Variants in STAT1 observed in about 807,000 individuals in gnomAD.
STAT1 encodes the protein signal transducer and activator of transcription 1, also known as signal transducer and activator of transcription 1-alpha/beta.
STAT1 carries 24 observed loss-of-function variants against 111.7 expected under a neutral mutation model. The ratio of observed to expected loss-of-function variants is 0.21; its 90% CI spans 0.16 to 0.30. The LOEUF (loss-of-function observed/expected upper bound fraction) is 0.30. Among genes scored for constraint, STAT1 ranks in the 10% least tolerant of loss-of-function variants. STAT1 has a pLI of 1.00. For missense variants in STAT1, 351 were observed against 911.9 expected, an observed-to-expected ratio of 0.38 and a Z score of 7.92; for synonymous variants, 332 against 326.5, an observed-to-expected ratio of 1.02 and a Z score of -0.18.
chr2:190,994,848 G>A (rs1350903215), intron 10 of STAT1, among the ~76,000 whole-genome samples: 1 of 149,380 alleles, frequency 6.7e-6, no homozygotes, highest in Non-Finnish European at 1.5e-5. Context: ...CTTGGGAGGT[G>A]GAGGTTGCAG....
chr2:190,995,122 T>G lies in STAT1; in HGVS notation c.883A>C (p.Thr295Pro), dbSNP rs2125062101. 6.2e-7 allele frequency: 1 copy of G among 1,613,902 alleles called. No individual in the cohort carries two copies. Among genetic ancestry groups the G allele is most frequent in the South Asian group, 1.1e-5 (1 of 91,072 alleles). ...QKYTYEHDPI[T>P]KNKQVLWDRT... Reference sequence around the variant, plus strand: ...TCCCATAACACTTGTTTGTTTTTTGTGATAGGGTCATGTTCGTAGGTGTAT... The same window carrying G: ...TCCCATAACACTTGTTTGTTTTTTGGGATAGGGTCATGTTCGTAGGTGTAT... Residue 295 changes from threonine (T) to proline (P), a missense_variant, in exon 10 of 25, where the codon ACA becomes CCA. Coordinates refer to ENST00000361099, the MANE Select transcript of STAT1 (RefSeq NM_007315.4). This position sits in a 1 kb window ranked among gnomAD's most constrained non-coding sequence, Gnocchi z 4.2.
Position 190,981,926 on chromosome 2 carries a change from C to T in STAT1, c.1582+457G>A, listed in dbSNP as rs546826332. ...CAAAAGAGGCATCCTCTTGTGGGGA[C>T]GGCATCCTCTGCTACCTGGGCCCCA... On this transcript the variant is annotated intron_variant, in intron 18 of 24. Transcript: ENST00000361099. The surrounding 1 kb of genome is among the most constrained non-coding windows in gnomAD (Gnocchi z 4.1). 3.9e-5 allele frequency among the ~76,000 whole-genome samples: 6 copies of T among 152,340 alleles called. No homozygotes were observed. The highest frequency in any genetic ancestry group is 2.1e-4 in the South Asian group (1 of 4,822).
chr2:190,995,224 G>A lies in STAT1; in HGVS notation c.786-5C>T, dbSNP rs1368532255. ...CTCTCCGCAACTATAGTGAACCTGG[G>A]AAGACACAAGACACAGATGTCTCTA... On this transcript the variant is annotated splice_region_variant and splice_polypyrimidine_tract_variant and intron_variant, in intron 9 of 24. Coordinates refer to ENST00000361099, the MANE Select transcript of STAT1 (RefSeq NM_007315.4). The surrounding 1 kb of genome is among the most constrained non-coding windows in gnomAD (Gnocchi z 4.2). 1.2e-6 allele frequency: 2 copies of A among 1,613,864 alleles called. No homozygotes were observed. The highest frequency in any genetic ancestry group is 1.1e-5 in the South Asian group (1 of 91,078).
chr2:191,008,627 G>C (rs1694885691), intron 4 of STAT1, among the ~76,000 whole-genome samples: 1 of 152,156 alleles, frequency 6.6e-6, no homozygotes, highest in Admixed American at 6.5e-5. Context: ...TATTACTATA[G>C]ATCATTGCTC....
rs1226936992 is a variant in STAT1, at chr2:191,004,637, G to A, written c.372+2926C>T. Among the ~76,000 whole-genome samples, 1 of 152,210 alleles carries A rather than the reference G, an allele frequency of 6.6e-6. No individual in the cohort carries two copies. The highest frequency in any genetic ancestry group is 1.9e-4 in the East Asian group (1 of 5,206). ...CTCTGTGGCTCTGAGTGAAGTACCT[G>A]ACCTCTAAACCTTAGTTTTCTCATC... On this transcript the variant is annotated intron_variant, in intron 5 of 24. Transcript: ENST00000361099. The surrounding 1 kb of genome is among the most constrained non-coding windows in gnomAD (Gnocchi z 5.0).
rs1367112947 is a variant in STAT1, at chr2:190,991,302, T to C, written c.963A>G (p.Arg321=). ...GAGGGTGCGTTGGCATGCAGGGCTG[T>C]CTTTCCACCACAAACGAGCTGCAAA... is the stretch of plus-strand genomic sequence containing the variant. ...QLIQSSFVVE[R]QPCMPTHPQR... Residue 321 remains arginine (R), a synonymous_variant, in exon 11 of 25, where the codon AGA becomes AGG. Coordinates refer to ENST00000361099, the MANE Select transcript of STAT1 (RefSeq NM_007315.4). 1 of 1,614,144 alleles carries C rather than the reference T, an allele frequency of 6.2e-7. No homozygotes were observed. The highest frequency in any genetic ancestry group is 1.1e-5 in the South Asian group (1 of 91,082).
rs1320123706 is a variant in STAT1 at position 191,013,632 on chromosome 2, G to A, written c.-109C>T. The A allele has an allele frequency of 7.5e-6, 3 of 398,500 alleles. No homozygotes were observed. The highest frequency in any genetic ancestry group is 1.3e-5 in the Non-Finnish European group (3 of 226,088). 24.7% of individuals were successfully genotyped at this position (398,500 alleles called of 1,614,324 possible). ...GAGGTTATATACACAGAGTGCGAAC[G>A]TTAACCTAGACAGCTCTCGAGGATG... On this transcript the variant is annotated 5_prime_UTR_variant, in exon 2 of 25. In the 5' UTR this introduces an upstream ATG that the reference lacks. Coordinates refer to ENST00000361099, the MANE Select transcript of STAT1 (RefSeq NM_007315.4).
At chr2:190,994,361 AC>A (rs1288849844) in intron 10 of STAT1, among the ~76,000 whole-genome samples, 2 of 152,072 alleles carry the variant, frequency 1.3e-5, no homozygotes, top group Admixed American at 6.5e-5. Context: ...CCAGAATGGA[AC>A]TCTGCTCTGG....
In STAT1 at chr2:190,970,620, G is replaced by A; in HGVS notation, c.*83C>T. ...TTTCTTTCATTTCCCTAGAAACACA[G>A]GATGTGAAGGAACAGAGTAGCAGGA... On this transcript the variant is annotated 3_prime_UTR_variant, in exon 25 of 25. Coordinates refer to ENST00000361099, the MANE Select transcript of STAT1 (RefSeq NM_007315.4). The surrounding 1 kb of genome is among the most constrained non-coding windows in gnomAD (Gnocchi z 5.4). 1.4e-6 allele frequency: 2 copies of A among 1,466,632 alleles called. No homozygotes were observed. The highest frequency in any genetic ancestry group is 1.9e-6 in the Non-Finnish European group (2 of 1,047,268). The allele number at this position is 1,466,632 out of a possible 1,614,324, so 90.9% of individuals were successfully genotyped here. A position where few individuals can be genotyped will look rare whatever the true frequency, so the allele number is the denominator to read the frequency against.
chr2:190,987,937 C>T lies in STAT1; in HGVS notation c.1098-869G>A, dbSNP rs900010793. ...GCTGACTTGTCAAAGCTAAGAAGAC[C>T]GTCAGAGCTGGAACCGACAGAAAAG... On this transcript the variant is annotated intron_variant, in intron 12 of 24. Transcript: ENST00000361099. This position sits in a 1 kb window ranked among gnomAD's most constrained non-coding sequence, Gnocchi z 4.0. Among the ~76,000 whole-genome samples, 8 of 152,262 alleles carry T rather than the reference C, an allele frequency of 5.3e-5. No individual in the cohort carries two copies. The highest frequency in any genetic ancestry group is 1.0e-4 in the Non-Finnish European group (7 of 68,016).
rs185097767 is a variant in STAT1, at chr2:190,982,968, C to T, written c.1447-450G>A. The stretch of plus-strand genomic sequence containing the variant: ...GGTGATCCCTGTTTAAAATGGTGCC[C>T]GAGCATAGTACCACAGTGTGGTCTA... On this transcript the variant is annotated intron_variant, in intron 17 of 24. Coordinates refer to ENST00000361099, the MANE Select transcript of STAT1 (RefSeq NM_007315.4). This position sits in a 1 kb window ranked among gnomAD's most constrained non-coding sequence, Gnocchi z 7.3. Among the ~76,000 whole-genome samples, 6 of 152,234 alleles carry T rather than the reference C, an allele frequency of 3.9e-5. No homozygotes were observed. The East Asian group carries it at 9.6e-4, about 24-fold the overall frequency.
Position 190,978,862 on chromosome 2 carries a change from C to T in STAT1, c.1867G>A (p.Gly623Arg), listed in dbSNP as rs1324953258. 3 of 1,613,950 alleles carry T rather than the reference C, an allele frequency of 1.9e-6. No individual in the cohort carries two copies. The highest frequency in any genetic ancestry group is 1.7e-6 in the Non-Finnish European group (2 of 1,180,006). ...TFTWVERSQN[G>R]GEPDFHAVEP... ...TGCTCAAACTCCCACTCACCGCCTC[C>T]GTTCTGGGACCGCTCCACCCATGTG... The change falls in exon 21 of 25, where the codon GGA becomes AGA. Residue 623 changes from glycine (G) to arginine (R), a missense_variant. This residue lies in a region of STAT1 where 181 missense variants were observed against 426.1 expected (regional missense o/e 0.42). Coordinates refer to ENST00000361099, the MANE Select transcript of STAT1 (RefSeq NM_007315.4). The surrounding 1 kb of genome is among the most constrained non-coding windows in gnomAD (Gnocchi z 6.1).
In STAT1 at chr2:190,989,876, C is replaced by T. The variant is rs144930643; in HGVS notation, c.1038-202G>A. Reference sequence around the variant, plus strand: ...GAATAAATTCCTAGCTGTGGAACCGCTTAGGAAAAATTGTAACACTAATTC... The same window carrying T: ...GAATAAATTCCTAGCTGTGGAACCGTTTAGGAAAAATTGTAACACTAATTC... On this transcript the variant is annotated intron_variant, in intron 11 of 24. Transcript: ENST00000361099. The surrounding 1 kb of genome is among the most constrained non-coding windows in gnomAD (Gnocchi z 5.0). Among the ~76,000 whole-genome samples, 20 of 152,158 alleles carry T rather than the reference C, an allele frequency of 1.3e-4. No individual in the cohort carries two copies. The highest frequency in any genetic ancestry group is 4.6e-4 in the African/African-American group (19 of 41,430).
At chr2:191,009,181 T>C in intron 3 of STAT1, 74 bp from the exon 4 acceptor site, 1 of 1,528,858 alleles carries the variant, frequency 6.5e-7, no homozygotes, top group Non-Finnish European at 8.9e-7. Context: ...CAAATGTTGG[T>C]TTCCTTATTG....
At position 190,979,358 on chromosome 2, in the gene STAT1, T is replaced by C. The variant is rs1692167508; in HGVS notation, c.1728-357A>G. On this transcript the variant is annotated intron_variant, in intron 20 of 24. Coordinates refer to ENST00000361099, the MANE Select transcript of STAT1 (RefSeq NM_007315.4). The surrounding 1 kb of genome is among the most constrained non-coding windows in gnomAD (Gnocchi z 5.8). ...GAGAGGAAGACCTAGGCAATATATT[T>C]TCATATTTTAGCCCTTCTGATCAAG... is the stretch of plus-strand genomic sequence containing the variant. Among the ~76,000 whole-genome samples, 4 of 152,164 alleles carry C rather than the reference T, an allele frequency of 2.6e-5. No homozygotes were observed. In the South Asian group the frequency reaches 8.3e-4, roughly 32 times the overall value.
rs966028513 is a variant in STAT1 at position 190,977,610 on chromosome 2, A to G, written c.1874-585T>C. ...AGATCCTTCTTCCTAGCTGATACAG[A>G]ATCTCCCTTTGGGTGTCGACCTTCC... On this transcript the variant is annotated intron_variant, in intron 21 of 24. Transcript: ENST00000361099. This position sits in a 1 kb window ranked among gnomAD's most constrained non-coding sequence, Gnocchi z 4.7. Among the ~76,000 whole-genome samples the G allele has an allele frequency of 6.6e-6, 1 of 152,162 alleles. No individual in the cohort carries two copies. The highest frequency in any genetic ancestry group is 2.4e-5 in the African/African-American group (1 of 41,436).
chr2:190,992,250 G>C (rs992980272), intron 10 of STAT1, among the ~76,000 whole-genome samples: 2 of 152,204 alleles, frequency 1.3e-5, no homozygotes, highest in Non-Finnish European at 2.9e-5. Flanking sequence ...CGCATGGAAA[G>C]TGACAGACAC....
At chr2:190,992,613 C>T in intron 10 of STAT1, 1 of 962,246 alleles carries the variant, frequency 1.0e-6, no homozygotes, top group Non-Finnish European at 1.4e-6. Flanking sequence ...AAATTTATTA[C>T]TGTGAGAAAA....
chr2:190,999,064 T>C lies in STAT1; in HGVS notation c.541+562A>G, dbSNP rs538918983. On this transcript the variant is annotated intron_variant, in intron 7 of 24. Coordinates refer to ENST00000361099, the MANE Select transcript of STAT1 (RefSeq NM_007315.4). The surrounding 1 kb of genome is among the most constrained non-coding windows in gnomAD (Gnocchi z 4.1). ...TACACAATGTACATTCTTGAGATCTTTTCTGTTGCTACTCTCATTAAAAAC... is the reference window on the plus strand; with the variant it reads ...TACACAATGTACATTCTTGAGATCTCTTCTGTTGCTACTCTCATTAAAAAC... Among the ~76,000 whole-genome samples the C allele has an allele frequency of 6.6e-6, 1 of 152,316 alleles. No individual in the cohort carries two copies. Among genetic ancestry groups the C allele is most frequent in the East Asian group, 1.9e-4 (1 of 5,184 alleles).
Sources: allele counts gnomAD v4.1 joint callset (sites outside exome capture counted in the v4.1 genomes callset), GRCh38; gene constraint gnomAD v4.1.1; regional missense constraint gnomAD v4.1.1; non-coding constraint Gnocchi (gnomAD v3.1); transcripts MANE v1.5; gene names NCBI Gene and HGNC (gene_info 2026-07-23, HGNC 2026-07-21).